MS4A2: variants seen among roughly 807,000 people sequenced by gnomAD.
MS4A2 encodes membrane spanning 4-domains A2.
Under a neutral mutation model 27.9 loss-of-function variants are expected in MS4A2, and 26 were observed. The observed-to-expected ratio is 0.93, with a 90% CI of 0.68 to 1.29. The LOEUF is 1.29. Ranked by LOEUF, MS4A2 falls within the 50% of genes most tolerant of loss-of-function variation. The pLI is 0.00. For synonymous variants in MS4A2, 110 were observed against 98.8 expected (o/e 1.11, Z -0.67); for missense variants, 284 against 284.6 (o/e 1.00, Z 0.01).
chr11:60,094,068 T>C lies in MS4A2; in HGVS notation c.636+6T>C. The C allele has an allele frequency of 6.3e-7, 1 of 1,587,562 alleles. No homozygotes were observed. On this transcript the variant is annotated splice_donor_region_variant and intron_variant, in intron 6 of 6. Coordinates refer to ENST00000278888, the MANE Select transcript of MS4A2 (RefSeq NM_000139.5). ...AAGAACTCAAAGGAAACAAGGTAGA[T>C]AGAAGCCCGATATAAAATCTTGAAT...
rs1855872987 is a variant in MS4A2 at position 60,096,632 on chromosome 11, C to T, written c.*976C>T. On this transcript the variant is annotated 3_prime_UTR_variant, in exon 7 of 7. Coordinates refer to ENST00000278888, the MANE Select transcript of MS4A2 (RefSeq NM_000139.5). ...GGCGCGGAGGCTCACGCCTGTAATCCCAGCCCTTTGGGAGGCCGAGGTGGG... is the reference window on the plus strand; with the variant it reads ...GGCGCGGAGGCTCACGCCTGTAATCTCAGCCCTTTGGGAGGCCGAGGTGGG... The T allele has an allele frequency of 6.6e-6, 1 of 151,926 alleles. No individual in the cohort carries two copies. The highest frequency in any genetic ancestry group is 2.1e-4 in the South Asian group (1 of 4,816). The allele number at this position is 151,926 out of a possible 1,614,324, so 9.4% of individuals were successfully genotyped here. A position where few individuals can be genotyped will look rare whatever the true frequency, so the allele number is the denominator to read the frequency against.
chr11:60,092,880 T>G, intron 4 of MS4A2, 32 bp downstream of exon 4: 2 of 1,598,700 alleles, frequency 1.3e-6, no homozygotes, highest in Non-Finnish European at 1.7e-6. Context: ...TTGTCCATCC[T>G]TGAAAAGATA....
intron 4 of MS4A2, among the ~76,000 whole-genome samples, chr11:60,093,105 A>T (rs17860457): frequency 0.02 from 3,106 of 152,326 alleles, 100 homozygotes; most frequent in African/African-American, 0.071. Flanking sequence ...AAGTGTCCTC[A>T]CACCGGCATT....
chr11:60,094,190 T>C (rs1473744713), intron 6 of MS4A2, 128 bp downstream of exon 6: 1 of 716,008 alleles, frequency 1.4e-6, no homozygotes, highest in Admixed American at 2.1e-5. Context: ...TTTTATTACT[T>C]TGGTTTACAA....
intron 5 of MS4A2, 150 bp from the exon 6 acceptor site, chr11:60,093,811 TGTG>T (rs1855816389): frequency 2.9e-6 from 2 of 699,182 alleles, no homozygotes; most frequent in Non-Finnish European, 5.1e-6. Flanking sequence ...TTTGTGTGTG[TGTG>T]TGTGTGTGTG....
intron 3 of MS4A2, 83 bp downstream of exon 3, chr11:60,090,553 C>T: frequency 2.4e-6 from 3 of 1,271,718 alleles, no homozygotes; most frequent in South Asian, 1.3e-5. Context: ...TTGTTTATTC[C>T]CAGTATTAAC....
In MS4A2 at chr11:60,090,344, A is replaced by G. The variant is rs774787850; in HGVS notation, c.195A>G (p.Gln65=). Residue 65 remains glutamine (Q), a synonymous_variant, in exon 3 of 7, where the codon CAA becomes CAG. Transcript: ENST00000278888. ...CATGTGTTTTTCTATAGGTAACACA[A>G]ATTCTGACTGCTATGATATGCCTTT... ...KKEQEFLGVT[Q]ILTAMICLCF... The G allele has an allele frequency of 2.5e-6, 4 of 1,612,922 alleles. No homozygotes were observed. The East Asian group carries it at 8.9e-5, about 36-fold the overall frequency.
chr11:60,098,104 T>C lies in MS4A2; in HGVS notation c.*2448T>C, dbSNP rs1855900204. On this transcript the variant is annotated 3_prime_UTR_variant, in exon 7 of 7. Coordinates refer to ENST00000278888, the MANE Select transcript of MS4A2 (RefSeq NM_000139.5). ...TTTCACTCAATTTATATTTTCATCATTGACTACATATTTCTTATACACAAC... is the reference window on the plus strand; with the variant it reads ...TTTCACTCAATTTATATTTTCATCACTGACTACATATTTCTTATACACAAC... The C allele has an allele frequency of 6.6e-6, 1 of 152,246 alleles. No homozygotes were observed. The highest frequency in any genetic ancestry group is 1.5e-5 in the Non-Finnish European group (1 of 68,046). 9.4% of individuals were successfully genotyped at this position (152,246 alleles called of 1,614,324 possible).
Position 60,096,996 on chromosome 11 carries a change from A to G in MS4A2, c.*1340A>G, listed in dbSNP as rs1855881475. On this transcript the variant is annotated 3_prime_UTR_variant, in exon 7 of 7. Transcript: ENST00000278888. Reference sequence around the variant, plus strand: ...ATTTTTAGGCTTTGATTTTGGGGAGACAAAGGGAAATGCAGCCATAGAGGG... The same window carrying G: ...ATTTTTAGGCTTTGATTTTGGGGAGGCAAAGGGAAATGCAGCCATAGAGGG... 1 of 151,986 alleles carries G rather than the reference A, an allele frequency of 6.6e-6. No homozygotes were observed. The allele number at this position is 151,986 out of a possible 1,614,324, so 9.4% of individuals were successfully genotyped here.
chr11:60,095,792 A>G lies in MS4A2; in HGVS notation c.*136A>G, dbSNP rs1855859941. ...CATTAGATTTATTCGCCTGATAAGA[A>G]TATTTTGTTTCTGCTGCTTCTGTCC... is the stretch of plus-strand genomic sequence containing the variant. On this transcript the variant is annotated 3_prime_UTR_variant, in exon 7 of 7. Transcript: ENST00000278888. 1 of 697,600 alleles carries G rather than the reference A, an allele frequency of 1.4e-6. No individual in the cohort carries two copies. The highest frequency in any genetic ancestry group is 2.6e-6 in the Non-Finnish European group (1 of 381,184). The allele number at this position is 697,600 out of a possible 1,614,324, so 43.2% of individuals were successfully genotyped here.
At chr11:60,088,495 T>C (rs1855689132), upstream of MS4A2, 1 of 736,972 alleles carries the variant, frequency 1.4e-6, no homozygotes, top group African/African-American at 1.8e-5. Context: ...TCAGGCAAAA[T>C]TATGCTCCAG....
intron 1 of MS4A2, among the ~76,000 whole-genome samples, chr11:60,089,257 ATCTAGCTAT>A (rs1205393300): frequency 6.6e-6 from 1 of 152,232 alleles, no homozygotes; most frequent in Non-Finnish European, 1.5e-5. Flanking sequence ...ATAGAGTCCC[ATCTAGCTAT>A]TCAAAGCCAT....
At position 60,098,105 on chromosome 11, in the gene MS4A2, T is replaced by G. The variant is rs370732888; in HGVS notation, c.*2449T>G. ...TTCACTCAATTTATATTTTCATCATTGACTACATATTTCTTATACACAACA... is the reference window on the plus strand; with the variant it reads ...TTCACTCAATTTATATTTTCATCATGGACTACATATTTCTTATACACAACA... On this transcript the variant is annotated 3_prime_UTR_variant, in exon 7 of 7. Coordinates refer to ENST00000278888, the MANE Select transcript of MS4A2 (RefSeq NM_000139.5). 1.3e-5 allele frequency: 2 copies of G among 152,334 alleles called. No individual in the cohort carries two copies. The highest frequency in any genetic ancestry group is 3.9e-4 in the East Asian group (2 of 5,188). 9.4% of individuals were successfully genotyped at this position (152,334 alleles called of 1,614,324 possible). A position where few individuals can be genotyped will look rare whatever the true frequency, so the allele number is the denominator to read the frequency against.
At chr11:60,089,665 T>A in intron 1 of MS4A2, 27 bp from the exon 2 acceptor site, 2 of 1,614,068 alleles carry the variant, frequency 1.2e-6, no homozygotes, top group Non-Finnish European at 1.7e-6. Flanking sequence ...AATGTTCTCA[T>A]GACTGAATTG....
At chr11:60,095,072 G>A (rs148723047) in intron 6 of MS4A2, among the ~76,000 whole-genome samples, 130 of 152,082 alleles carry the variant, frequency 8.5e-4, no homozygotes, top group Middle Eastern at 3.4e-3. Flanking sequence ...GACCAGCCTG[G>A]CCAACATGGT....
chr11:60,093,319 T>C (rs1855802431), intron 4 of MS4A2, 81 bp from the exon 5 acceptor site: 12 of 1,584,460 alleles, frequency 7.6e-6, no homozygotes, highest in Non-Finnish European at 1.0e-5. Flanking sequence ...ACTGGATGCA[T>C]CCAGCCCTGA....
chr11:60,090,158 T>G (rs1434000333), intron 2 of MS4A2, among the ~76,000 whole-genome samples, 178 bp from the exon 3 acceptor site: 3 of 152,232 alleles, frequency 2.0e-5, no homozygotes. Context: ...CATTAGGTAG[T>G]GCTTGTATCA....
Position 60,095,676 on chromosome 11 carries a change from C to T in MS4A2, c.*20C>T. 1 of 1,520,718 alleles carries T rather than the reference C, an allele frequency of 6.6e-7. No individual in the cohort carries two copies. The allele number at this position is 1,520,718 out of a possible 1,614,324, so 94.2% of individuals were successfully genotyped here. A position where few individuals can be genotyped will look rare whatever the true frequency, so the allele number is the denominator to read the frequency against. ...TTATAAGAATCACGTGTCCAGAACA[C>T]TCTGATTCACAGCCAAGGATCCAGA... On this transcript the variant is annotated 3_prime_UTR_variant, in exon 7 of 7. Transcript: ENST00000278888.
In MS4A2 at chr11:60,094,029, C is replaced by A. The variant is rs1259758232; in HGVS notation, c.603C>A (p.Ile201=). Residue 201 remains isoleucine (I), a synonymous_variant, in exon 6 of 7, where the codon ATC becomes ATA. Transcript: ENST00000278888. ...TTGGTAGTGCTGTGTCACTCACAAT[C>A]TGTGGAGCTGGGGAAGAACTCAAAG... ...LGLGSAVSLT[I]CGAGEELKGN... is the part of the protein sequence containing the mutation. The A allele has an allele frequency of 6.2e-7, 1 of 1,613,806 alleles. No individual in the cohort carries two copies. Among genetic ancestry groups the A allele is most frequent in the African/African-American group, 1.3e-5 (1 of 74,902 alleles).
Sources: gnomAD v4.1 joint callset for allele counts (sites outside exome capture counted in the v4.1 genomes callset) on GRCh38, gnomAD v4.1.1 for gene constraint, MANE v1.5 for transcripts, NCBI Gene and HGNC (gene_info 2026-07-23, HGNC 2026-07-21) for gene names.